CRISPLD1: variants seen among roughly 807,000 people sequenced by gnomAD.
CRISPLD1 encodes cysteine-rich secretory protein LCCL domain-containing 1.
In CRISPLD1, 60 loss-of-function variants were observed where a neutral mutation model predicts 77.5. That is an observed-to-expected ratio of 0.77 (90% confidence interval 0.63 to 0.96). The LOEUF is 0.96. Ranked by LOEUF, CRISPLD1 falls within the 40% of genes least tolerant of loss-of-function variation. The probability of loss-of-function intolerance (pLI) is 0.00; values close to 1 mark genes in which losing one functional copy is unlikely to be tolerated. For synonymous variants in CRISPLD1, 195 were observed against 200.1 expected, an observed-to-expected ratio of 0.97 and a Z score of 0.22; for missense variants, 623 against 615.8, an observed-to-expected ratio of 1.01 and a Z score of -0.12.
At chr8:75,017,595 T>C in intron 10 of CRISPLD1, 145 bp downstream of exon 10, 2 of 751,214 alleles carry the variant, frequency 2.7e-6, no homozygotes, top group Non-Finnish European at 3.9e-6. Context: ...GTAGTTTTCT[T>C]AGACAAAAAG....
In CRISPLD1 at chr8:75,029,515, A is replaced by G. The variant is rs991783552; in HGVS notation, c.1449A>G (p.Glu483=). 13 of 1,613,244 alleles carry G rather than the reference A, an allele frequency of 8.1e-6. No homozygotes were observed. Among genetic ancestry groups the G allele is most frequent in the Non-Finnish European group, 1.0e-5 (12 of 1,179,478 alleles). Reference sequence around the variant, plus strand: ...CTTTTCAGAATGGAATCTTCTCAGAAAGGTAAAAACAAAACATATGTATGT... The same window carrying G: ...CTTTTCAGAATGGAATCTTCTCAGAGAGGTAAAAACAAAACATATGTATGT... ...IASFQNGIFS[E]SLQNPPGGKA... Residue 483 remains glutamate, a splice_region_variant and synonymous_variant, in exon 14 of 15, where the codon GAA becomes GAG. Coordinates refer to ENST00000262207, the MANE Select transcript of CRISPLD1 (RefSeq NM_031461.6).
intron 2 of CRISPLD1, among the ~76,000 whole-genome samples, chr8:74,999,804 T>A (rs559885556): frequency 1.3e-5 from 2 of 150,644 alleles, no homozygotes; most frequent in East Asian, 3.9e-4. Flanking sequence ...GTACTTATAA[T>A]ACACAATGTT....
chr8:75,016,803 T>G, intron 7 of CRISPLD1, 78 bp from the exon 8 acceptor site: 2 of 1,539,220 alleles, frequency 1.3e-6, no homozygotes, highest in Non-Finnish European at 1.8e-6. Flanking sequence ...TGGAAAAAAT[T>G]TTGTCATTAG....
At chr8:75,003,539 A>G (rs16939019) in intron 2 of CRISPLD1, among the ~76,000 whole-genome samples, 18,774 of 152,136 alleles carry the variant, frequency 0.12, 1,702 homozygotes, top group African/African-American at 0.25. Flanking sequence ...ATGCATTTTT[A>G]TAGACTTTTA....
At chr8:75,018,389 T>C (rs1181260909) in intron 10 of CRISPLD1, among the ~76,000 whole-genome samples, 2 of 152,118 alleles carry the variant, frequency 1.3e-5, no homozygotes, top group Non-Finnish European at 2.9e-5. Context: ...CCTTCTGGGC[T>C]CAAGCGATTC....
At chr8:74,995,562 C>T (rs964623337) in intron 2 of CRISPLD1, among the ~76,000 whole-genome samples, 1 of 152,150 alleles carries the variant, frequency 6.6e-6, no homozygotes, top group Non-Finnish European at 1.5e-5. Flanking sequence ...GCAGCCTTGA[C>T]CTCCAGGGCT....
At chr8:74,996,943 A>G (rs1812654556) in intron 2 of CRISPLD1, among the ~76,000 whole-genome samples, 1 of 151,890 alleles carries the variant, frequency 6.6e-6, no homozygotes, top group Admixed American at 6.6e-5. Flanking sequence ...TCTTGAACTC[A>G]TGGGCTCAAG....
intron 2 of CRISPLD1, among the ~76,000 whole-genome samples, chr8:74,988,829 C>A (rs1296428481): frequency 6.6e-6 from 1 of 151,962 alleles, no homozygotes; most frequent in East Asian, 1.9e-4. Context: ...CGAGACACTG[C>A]CTTAAAACAA....
intron 12 of CRISPLD1, among the ~76,000 whole-genome samples, chr8:75,025,311 A>G (rs879152761): frequency 1.3e-5 from 2 of 152,138 alleles, no homozygotes; most frequent in Admixed American, 6.5e-5. Flanking sequence ...AAATCCCCAC[A>G]TTAGAAAGCT....
intron 2 of CRISPLD1, among the ~76,000 whole-genome samples, chr8:75,008,432 T>C (rs1812872001): frequency 1.3e-5 from 2 of 152,186 alleles, no homozygotes; most frequent in African/African-American, 4.8e-5. Context: ...TACTGGCAGT[T>C]TTAAAACGTG....
chr8:75,010,609 T>C (rs558930524), intron 2 of CRISPLD1, among the ~76,000 whole-genome samples: 4 of 152,240 alleles, frequency 2.6e-5, no homozygotes, highest in Admixed American at 2.6e-4. Context: ...AAATCTTGGT[T>C]TTCTGTCATT....
intron 14 of CRISPLD1, among the ~76,000 whole-genome samples, chr8:75,031,230 C>T (rs1389982134): frequency 2.0e-5 from 3 of 151,966 alleles, no homozygotes; most frequent in Non-Finnish European, 1.5e-5. Flanking sequence ...TATTTTTGCT[C>T]ACTCAAATTC....
chr8:75,024,842 G>A (rs1471287815), intron 12 of CRISPLD1, among the ~76,000 whole-genome samples: 4 of 152,146 alleles, frequency 2.6e-5, no homozygotes, highest in Non-Finnish European at 5.9e-5. Context: ...TTGAATGTAA[G>A]GTGTGAGATT....
At chr8:74,995,521 A>ATG (rs1446325868) in intron 2 of CRISPLD1, among the ~76,000 whole-genome samples, 2 of 152,116 alleles carry the variant, frequency 1.3e-5, no homozygotes, top group African/African-American at 4.8e-5. Flanking sequence ...GTCCCCTAGG[A>ATG]TGGAGTGCAG....
At chr8:75,024,155 G>A (rs1450982060) in intron 12 of CRISPLD1, among the ~76,000 whole-genome samples, 7 of 152,156 alleles carry the variant, frequency 4.6e-5, no homozygotes, top group Admixed American at 2.0e-4. Flanking sequence ...ACTGGAGCAG[G>A]GTGAGAAAGT....
Position 75,016,587 on chromosome 8 carries a change from C to G in CRISPLD1, c.750C>G (p.Pro250=), listed in dbSNP as rs1310290710. 2.5e-6 allele frequency: 4 copies of G among 1,612,958 alleles called. No homozygotes were observed. Among genetic ancestry groups the G allele is most frequent in the Non-Finnish European group, 3.4e-6 (4 of 1,179,336 alleles). ...CAGAAGGGTCAGACAGGTATTATCC[C>G]CCTCGAGAAGAGGAAACAAATGAAA... The part of the protein sequence containing the change: ...CYKEGSDRYY[P]PREEETNEIE... The change falls in exon 7 of 15, where the codon CCC becomes CCG. Residue 250 remains proline (P), a synonymous_variant. Coordinates refer to ENST00000262207, the MANE Select transcript of CRISPLD1 (RefSeq NM_031461.6).
intron 2 of CRISPLD1, among the ~76,000 whole-genome samples, chr8:75,003,504 G>A (rs1812779817): frequency 6.6e-6 from 1 of 151,728 alleles, no homozygotes; most frequent in Admixed American, 6.6e-5. Context: ...TACTGTAGAG[G>A]GATTTTTTAA....
At position 74,985,982 on chromosome 8, in the gene CRISPLD1, T is replaced by C. The variant is rs749986418; in HGVS notation, c.-6T>C. 8.1e-6 allele frequency: 13 copies of C among 1,605,578 alleles called. 1 individual carries two copies. In the South Asian group the frequency reaches 1.3e-4, roughly 16 times the overall value. On this transcript the variant is annotated 5_prime_UTR_variant, in exon 2 of 15. Coordinates refer to ENST00000262207, the MANE Select transcript of CRISPLD1 (RefSeq NM_031461.6). ...TTTTCCTGGGGAAATCCTGAGGTCA[T>C]TCATTATGAAGTGTACCGCGCGGGA...
intron 2 of CRISPLD1, among the ~76,000 whole-genome samples, chr8:74,992,299 AT>A (rs537259028): frequency 6.6e-6 from 1 of 152,074 alleles, no homozygotes; most frequent in Non-Finnish European, 1.5e-5. Context: ...ATAATTCAGG[AT>A]TTTTTCCCTA....
Sources: allele counts gnomAD v4.1 joint callset (sites outside exome capture counted in the v4.1 genomes callset), GRCh38; gene constraint gnomAD v4.1.1; transcripts MANE v1.5; gene names NCBI Gene and HGNC (gene_info 2026-07-23, HGNC 2026-07-21).